Variants in MACC1 observed in about 807,000 individuals in gnomAD.
MACC1 encodes metastasis-associated in colon cancer protein 1.
MACC1 carries 79 observed loss-of-function variants against 70.7 expected under a neutral mutation model. The ratio of observed to expected loss-of-function variants is 1.12; its 90% CI spans 0.93 to 1.35. MACC1 has a LOEUF of 1.35. MACC1 is among the 40% of genes most tolerant of loss of function. MACC1 has a pLI of 0.00. For synonymous variants in MACC1, 361 were observed against 347.2 expected (o/e 1.04, Z -0.44); for missense variants, 1,106 against 978.1 (o/e 1.13, Z -1.74).
chr7:20,151,789 T>C (rs1373036555), intron 6 of MACC1, among the ~76,000 whole-genome samples: 3 of 152,316 alleles, frequency 2.0e-5, no homozygotes, highest in East Asian at 1.9e-4. Flanking sequence ...TGACATGGCC[T>C]GAAAAGAGGA....
chr7:20,147,512 C>G (rs932410324), intron 6 of MACC1: 6 of 152,126 alleles, frequency 3.9e-5, no homozygotes, highest in African/African-American at 1.4e-4. Flanking sequence ...GTGTTCTATC[C>G]TCAGTACATC....
chr7:20,151,295 C>T (rs1436552132), intron 6 of MACC1, among the ~76,000 whole-genome samples: 1 of 152,130 alleles, frequency 6.6e-6, no homozygotes, highest in East Asian at 1.9e-4. Context: ...TAAAATTCAA[C>T]ATTTAAAAAG....
At chr7:20,177,637 C>A (rs970291381) in intron 1 of MACC1, among the ~76,000 whole-genome samples, 1 of 123,550 alleles carries the variant, frequency 8.1e-6, no homozygotes, top group South Asian at 2.8e-4. Context: ...TTGTGCTTTA[C>A]CATTTTAACG....
In MACC1 at chr7:20,158,848, G is replaced by A. The variant is rs779628880; in HGVS notation, c.1513C>T (p.Pro505Ser). The change falls in exon 5 of 7, where the codon CCT becomes TCT. Residue 505 changes from proline (P) to serine (S), a missense_variant. By Grantham distance (74) the Pro-to-Ser change is moderately conservative (BLOSUM62 -1). Coordinates refer to ENST00000400331, the MANE Select transcript of MACC1 (RefSeq NM_182762.4). ...CTTTTTAGGTTTGGGGTTGGATCAG[G>A]AGTAGTGATAGAGAACTGTGCAACT... ...EPVAQFSITTPDPTPNLKRLS... is the reference protein window; with the variant it reads ...EPVAQFSITTSDPTPNLKRLS... 2 of 1,613,656 alleles carry A rather than the reference G, an allele frequency of 1.2e-6. No homozygotes were observed. The highest frequency in any genetic ancestry group is 1.1e-5 in the South Asian group (1 of 91,082).
chr7:20,187,713 G>T (rs1281900962), intron 1 of MACC1, among the ~76,000 whole-genome samples: 1 of 152,190 alleles, frequency 6.6e-6, no homozygotes, highest in African/African-American at 2.4e-5. Flanking sequence ...ATTTGGGGTT[G>T]TTAACCCCAG....
rs1055232992 is a variant in MACC1 at position 20,210,410 on chromosome 7, T to A, written c.-218+6889A>T. On this transcript the variant is annotated intron_variant, in intron 1 of 6. Transcript: ENST00000400331. ...AGTTCTCACATTGTATTATACGTTT[T>A]ATGTATGTATTTGTCACTTTCATCG... Among the ~76,000 whole-genome samples the A allele has an allele frequency of 4.6e-5, 7 of 152,336 alleles. No homozygotes were observed. In the South Asian group the frequency reaches 1.0e-3, roughly 23 times the overall value.
intron 6 of MACC1, among the ~76,000 whole-genome samples, chr7:20,144,380 T>C (rs567993226): frequency 6.6e-6 from 1 of 152,330 alleles, no homozygotes; most frequent in African/African-American, 2.4e-5. Flanking sequence ...AAAATGATTG[T>C]TGTATTCACT....
chr7:20,191,949 C>A (rs537261270), intron 1 of MACC1, among the ~76,000 whole-genome samples: 1 of 152,026 alleles, frequency 6.6e-6, no homozygotes, highest in African/African-American at 2.4e-5. Context: ...AATTTGATAT[C>A]CGTTTTTTAT....
At chr7:20,214,559 G>C (rs539091662) in intron 1 of MACC1, among the ~76,000 whole-genome samples, 1 of 152,032 alleles carries the variant, frequency 6.6e-6, no homozygotes, top group Non-Finnish European at 1.5e-5. Flanking sequence ...GAAAAAAGCT[G>C]ATATCTATTG....
At chr7:20,165,952 A>T (rs1782211555) in intron 2 of MACC1, among the ~76,000 whole-genome samples, 1 of 152,236 alleles carries the variant, frequency 6.6e-6, no homozygotes, top group Admixed American at 6.5e-5. Context: ...TTAGCAAAAA[A>T]GTCAGAAGAT....
intron 1 of MACC1, among the ~76,000 whole-genome samples, chr7:20,181,240 T>C (rs2128105875): frequency 6.6e-6 from 1 of 152,198 alleles, no homozygotes; most frequent in East Asian, 1.9e-4. Flanking sequence ...CTAACAAAAC[T>C]TTTAGTGATA....
intron 1 of MACC1, among the ~76,000 whole-genome samples, chr7:20,215,811 A>C (rs1783061532): frequency 6.6e-6 from 1 of 152,240 alleles, no homozygotes. Context: ...GATGGTGTTT[A>C]ACAAACTTTG....
intron 1 of MACC1, among the ~76,000 whole-genome samples, chr7:20,201,954 C>G (rs145316012): frequency 6.8e-4 from 103 of 152,298 alleles, no homozygotes; most frequent in African/African-American, 2.4e-3. Flanking sequence ...GTTTTTTCAA[C>G]TGGCCCCTGT....
Position 20,174,847 on chromosome 7 carries a change from T to A in MACC1, c.-217-4069A>T, listed in dbSNP as rs554556242. On this transcript the variant is annotated intron_variant, in intron 1 of 6. Transcript: ENST00000400331. ...AAGAACAATTTACATCCTTAAATTT[T>A]AAAAAAATGTATTTGTTATTTTGTA... Among the ~76,000 whole-genome samples, 50 of 152,190 alleles carry A rather than the reference T, an allele frequency of 3.3e-4. 1 individual carries two copies. Among genetic ancestry groups the A allele is most frequent in the African/African-American group, 1.0e-3 (42 of 41,576 alleles).
chr7:20,159,044 G>T lies in MACC1; in HGVS notation c.1317C>A (p.Ser439=). ...TCTTTACTTCAAAATCAGGATCACA[G>T]GAAAAAATAGAAATACTTAAATCTT... ...KPQDLSISIF[S]CDPDFEVKTE... The change falls in exon 5 of 7, where the codon TCC becomes TCA. Residue 439 remains serine (S), a synonymous_variant. Coordinates refer to ENST00000400331, the MANE Select transcript of MACC1 (RefSeq NM_182762.4). 3.1e-6 allele frequency: 5 copies of T among 1,613,376 alleles called. No homozygotes were observed. In the South Asian group the frequency reaches 4.4e-5, roughly 14 times the overall value.
Position 20,159,362 on chromosome 7 carries a change from G to C in MACC1, c.999C>G (p.Ile333Met). The C allele has an allele frequency of 6.2e-7, 1 of 1,614,054 alleles. No individual in the cohort carries two copies. The highest frequency in any genetic ancestry group is 8.5e-7 in the Non-Finnish European group (1 of 1,180,014). The change falls in exon 5 of 7, where the codon ATC becomes ATG. Residue 333 changes from isoleucine to methionine, a missense_variant. Transcript: ENST00000400331. ...LSNCYIYKDT[I>M]QVKLIDLSQV... ...GACTCAAGTCGATTAGCTTGACTTGGATGGTGTCTTTATAAATGTAGCAGT... is the reference window on the plus strand; with the variant it reads ...GACTCAAGTCGATTAGCTTGACTTGCATGGTGTCTTTATAAATGTAGCAGT...
chr7:20,199,309 A>G (rs1425075688), intron 1 of MACC1, among the ~76,000 whole-genome samples: 1 of 152,266 alleles, frequency 6.6e-6, no homozygotes, highest in African/African-American at 2.4e-5. Flanking sequence ...AGAGTTGGCA[A>G]GGTTTGATCT....
Position 20,161,856 on chromosome 7 carries a change from T to G in MACC1, c.7A>C (p.Ile3Leu). ML[I>L]TERKHFRSGR... ...GACCGAAAATGTTTTCTTTCAGTGA[T>G]TAGCATTTTTCCACCTACAAAGTAA... The change falls in exon 4 of 7, where the codon ATC (isoleucine) becomes CTC (leucine). Residue 3 changes from isoleucine (I) to leucine (L), a missense_variant. Coordinates refer to ENST00000400331, the MANE Select transcript of MACC1 (RefSeq NM_182762.4). The G allele has an allele frequency of 6.2e-7, 1 of 1,605,512 alleles. No homozygotes were observed. Among genetic ancestry groups the G allele is most frequent in the Non-Finnish European group, 8.5e-7 (1 of 1,172,610 alleles).
intron 1 of MACC1, among the ~76,000 whole-genome samples, chr7:20,184,372 A>G (rs1401358025): frequency 6.6e-6 from 1 of 152,198 alleles, no homozygotes; most frequent in Non-Finnish European, 1.5e-5. Flanking sequence ...AGAATACACC[A>G]AATCTTATAT....
Sources: allele counts gnomAD v4.1 joint callset (sites outside exome capture counted in the v4.1 genomes callset), GRCh38; gene constraint gnomAD v4.1.1; transcripts MANE v1.5; gene names NCBI Gene and HGNC (gene_info 2026-07-23, HGNC 2026-07-21).